WNK2: variants seen among roughly 807,000 people sequenced by gnomAD.
WNK2 encodes the protein WNK lysine deficient protein kinase 2.
In WNK2, 67 loss-of-function variants were observed where a neutral mutation model predicts 192.1. That is an observed-to-expected ratio of 0.35 (90% CI 0.29 to 0.43). The LOEUF (loss-of-function observed/expected upper bound fraction) is 0.43, where lower values mean the gene tolerates loss of function less well. Ranked by LOEUF, WNK2 falls within the 20% of genes least tolerant of loss-of-function variation. WNK2 has a pLI of 1.00. For synonymous variants in WNK2, 1,439 were observed against 1,393.9 expected (o/e 1.03, Z -0.72); for missense variants, 2,698 against 3,089.7 (o/e 0.87, Z 3.01).
At chr9:93,223,935 C>G (rs961342659) in intron 2 of WNK2, among the ~76,000 whole-genome samples, 3 of 152,196 alleles carry the variant, frequency 2.0e-5, no homozygotes, top group Non-Finnish European at 4.4e-5. Flanking sequence ...GGTGTGAGCA[C>G]TTAAGTGACA....
rs745912558 is a variant in WNK2 at position 93,229,446 on chromosome 9, G to C, written c.682-250G>C. Among the ~76,000 whole-genome samples the C allele has an allele frequency of 6.6e-6, 1 of 152,230 alleles. No individual in the cohort carries two copies. The highest frequency in any genetic ancestry group is 1.5e-5 in the Non-Finnish European group (1 of 68,040). On this transcript the variant is annotated intron_variant, in intron 2 of 29. Transcript: ENST00000427277. The surrounding 1 kb of genome is among the most constrained non-coding windows in gnomAD (Gnocchi z 4.9). Reference sequence around the variant, plus strand: ...CTCAAGTGTGGCCGTGTGGATTTGCGAGACCTCTTCGGCTTCCTAGGATGT... The same window carrying C: ...CTCAAGTGTGGCCGTGTGGATTTGCCAGACCTCTTCGGCTTCCTAGGATGT...
At chr9:93,187,730 G>C (rs566211051) in intron 2 of WNK2, among the ~76,000 whole-genome samples, 1 of 152,080 alleles carries the variant, frequency 6.6e-6, no homozygotes, top group African/African-American at 2.4e-5. Flanking sequence ...GTGTAGAGTG[G>C]TGTAGGCTGA....
intron 28 of WNK2, among the ~76,000 whole-genome samples, chr9:93,313,437 C>G (rs1316643053): frequency 6.8e-6 from 1 of 147,848 alleles, no homozygotes; most frequent in Non-Finnish European, 1.5e-5. Flanking sequence ...CCAAAATTCT[C>G]TATCTTGTAT....
intron 16 of WNK2, 88 bp downstream of exon 16, chr9:93,264,121 T>C (rs2133061676): frequency 9.8e-7 from 1 of 1,021,160 alleles, no homozygotes; most frequent in South Asian, 1.4e-5. Context: ...ATGTCGAGCC[T>C]GGCCTTGTGT....
intron 2 of WNK2, among the ~76,000 whole-genome samples, chr9:93,210,248 G>A (rs185721871): frequency 1.9e-3 from 285 of 151,558 alleles, no homozygotes; most frequent in Non-Finnish European, 3.3e-3. Context: ...GGACAGTGGG[G>A]TGTCGAGGGA....
Position 93,257,596 on chromosome 9 carries a change from G to A in WNK2, c.2382+457G>A, listed in dbSNP as rs150313311. 1.1e-3 allele frequency among the ~76,000 whole-genome samples: 163 copies of A among 152,356 alleles called. 1 individual carries two copies. The highest frequency in any genetic ancestry group is 3.4e-3 in the Middle Eastern group (1 of 294). ...GGAAAAGGTTTGTTAGTCCAAGGTC[G>A]TGGACAGTCCTTGAAGTGGTTGCTG... On this transcript the variant is annotated intron_variant, in intron 11 of 29. Transcript: ENST00000427277. The surrounding 1 kb of genome is among the most constrained non-coding windows in gnomAD (Gnocchi z 4.7).
intron 11 of WNK2, among the ~76,000 whole-genome samples, chr9:93,258,339 G>A (rs1843650376): frequency 6.6e-6 from 1 of 152,250 alleles, no homozygotes; most frequent in Admixed American, 6.5e-5. Context: ...AGGCTGGACA[G>A]GATAGGGGTG....
intron 19 of WNK2, among the ~76,000 whole-genome samples, chr9:93,276,985 A>G (rs1048452793): frequency 2.6e-5 from 4 of 151,982 alleles, no homozygotes; most frequent in African/African-American, 9.7e-5. Flanking sequence ...CAGTGAGCTG[A>G]GATCGCGCCA....
chr9:93,278,257 A>C (rs2133500078), intron 19 of WNK2, among the ~76,000 whole-genome samples: 1 of 152,144 alleles, frequency 6.6e-6, no homozygotes, highest in East Asian at 1.9e-4. Context: ...TCCAAGGCGG[A>C]GTTCTGGAGA....
chr9:93,261,754 C>G, intron 12 of WNK2, 60 bp from the exon 13 acceptor site: 1 of 1,531,740 alleles, frequency 6.5e-7, no homozygotes, highest in Non-Finnish European at 8.8e-7. Flanking sequence ...CACCTGGGCA[C>G]GGCCCCCTCA....
intron 19 of WNK2, among the ~76,000 whole-genome samples, chr9:93,288,335 G>A (rs1848742758): frequency 6.6e-6 from 1 of 150,436 alleles, no homozygotes; most frequent in South Asian, 2.1e-4. Context: ...AGTGTGTACA[G>A]CTCACTACTT....
intron 28 of WNK2, among the ~76,000 whole-genome samples, chr9:93,311,639 G>GTGTGTGTGTGTT (rs1318052084): frequency 2.0e-5 from 3 of 151,632 alleles, no homozygotes; most frequent in African/African-American, 7.3e-5. Flanking sequence ...GTGTGTGTGT[G>GTGTGTGTGTGTT]TTTTGAGACG....
chr9:93,185,666 C>T, intron 2 of WNK2, 56 bp downstream of exon 2: 1 of 1,556,632 alleles, frequency 6.4e-7, no homozygotes, highest in South Asian at 1.2e-5. Flanking sequence ...GCGAGTGCGT[C>T]CTTGGGCCTG....
At position 93,184,929 on chromosome 9, in the gene WNK2, G is replaced by A; in HGVS notation, c.-1G>A. The A allele has an allele frequency of 2.4e-6, 3 of 1,226,644 alleles. No homozygotes were observed. The highest frequency in any genetic ancestry group is 3.0e-6 in the Non-Finnish European group (3 of 985,822). The allele number at this position is 1,226,644 out of a possible 1,614,324, so 76.0% of individuals were successfully genotyped here. On this transcript the variant is annotated splice_region_variant and 5_prime_UTR_variant, in exon 2 of 30. The change abolishes the stop of an existing upstream ORF in the 5' untranslated region. Coordinates refer to ENST00000427277, the MANE Select transcript of WNK2 (RefSeq NM_006648.4). Reference sequence around the variant, plus strand: ...GGCCTGTGTGTCCTTGGCCCACAGAGATGGACGGCGATGGCGGCCGCCGAG... The same window carrying A: ...GGCCTGTGTGTCCTTGGCCCACAGAAATGGACGGCGATGGCGGCCGCCGAG...
chr9:93,271,072 A>G (rs1367391985), intron 19 of WNK2, among the ~76,000 whole-genome samples: 1 of 152,232 alleles, frequency 6.6e-6, no homozygotes, highest in Admixed American at 6.5e-5. Context: ...CAACCTGTGC[A>G]TGCATGCATC....
At chr9:93,264,636 C>G (rs74773853) in intron 16 of WNK2, among the ~76,000 whole-genome samples, 4 of 152,186 alleles carry the variant, frequency 2.6e-5, no homozygotes, top group Non-Finnish European at 5.9e-5. Context: ...AAAGCACGCA[C>G]GAAGAAACAT....
At chr9:93,205,856 C>A (rs1833281136) in intron 2 of WNK2, among the ~76,000 whole-genome samples, 1 of 152,124 alleles carries the variant, frequency 6.6e-6, no homozygotes, top group African/African-American at 2.4e-5. Flanking sequence ...GACGCCAGTG[C>A]CTTCTGGCAG....
At chr9:93,319,374 C>T in intron 29 of WNK2, 1 of 985,454 alleles carries the variant, frequency 1.0e-6, no homozygotes. Context: ...CTGTCCCCGG[C>T]AGGGGTCTGA....
At chr9:93,291,693 C>T (rs553233341) in intron 21 of WNK2, among the ~76,000 whole-genome samples, 3 of 152,358 alleles carry the variant, frequency 2.0e-5, no homozygotes, top group Admixed American at 6.5e-5. Context: ...ACCTTCCCCA[C>T]GGCGCATAGG....
Sources: gnomAD v4.1 joint callset for allele counts (sites outside exome capture counted in the v4.1 genomes callset) on GRCh38, gnomAD v4.1.1 for gene constraint, Gnocchi (gnomAD v3.1) non-coding constraint, MANE v1.5 for transcripts, NCBI Gene and HGNC (gene_info 2026-07-23, HGNC 2026-07-21) for gene names.